REDIC1: variants seen among roughly 807,000 people sequenced by gnomAD.
REDIC1 encodes the protein HEI10 Interacting Protein 1.
chr12:39,739,792 A>G, the REDIC1 span, among the ~76,000 whole-genome samples: 2 of 152,192 alleles, frequency 1.3e-5, no homozygotes, highest in Non-Finnish European at 2.9e-5. Flanking sequence ...AAGAGGTGCC[A>G]TCTGTTTCTC....
At chr12:39,712,987 GTATATA>G in the REDIC1 span, among the ~76,000 whole-genome samples, 1 of 20,446 alleles carries the variant, frequency 4.9e-5, no homozygotes, top group South Asian at 1.4e-3. Context: ...ATATACATGT[GTATATA>G]CGTGTATATG....
the REDIC1 span, among the ~76,000 whole-genome samples, chr12:39,672,519 C>G: frequency 1.5e-4 from 23 of 152,118 alleles, no homozygotes; most frequent in Non-Finnish European, 2.6e-4. Flanking sequence ...CGGGGAGAAC[C>G]TATCTTCAGC....
chr12:39,630,462 G>C, the REDIC1 span, among the ~76,000 whole-genome samples: 2 of 152,196 alleles, frequency 1.3e-5, no homozygotes, highest in Non-Finnish European at 2.9e-5. Context: ...CCTAGACCTA[G>C]TTCATCTAAG....
the REDIC1 span, among the ~76,000 whole-genome samples, chr12:39,893,119 GA>G: frequency 6.6e-6 from 1 of 152,036 alleles, no homozygotes; most frequent in African/African-American, 2.4e-5. Flanking sequence ...AGTATTAAAT[GA>G]AAAAACCCAA....
At chr12:39,806,237 T>G in the REDIC1 span, among the ~76,000 whole-genome samples, 1 of 152,202 alleles carries the variant, frequency 6.6e-6, no homozygotes, top group Non-Finnish European at 1.5e-5. Context: ...CCTCTAATGC[T>G]GAAAGATCAG....
At chr12:39,799,668 T>C in the REDIC1 span, among the ~76,000 whole-genome samples, 1 of 152,162 alleles carries the variant, frequency 6.6e-6, no homozygotes, top group African/African-American at 2.4e-5. Flanking sequence ...TATGTACAAT[T>C]AATAGCAATT....
At chr12:39,712,062 A>C in the REDIC1 span, among the ~76,000 whole-genome samples, 3 of 20,742 alleles carry the variant, frequency 1.4e-4, no homozygotes, top group Non-Finnish European at 3.2e-4. Flanking sequence ...GTATATATAC[A>C]TGTATATATA....
the REDIC1 span, among the ~76,000 whole-genome samples, chr12:39,714,082 C>CTGTATAT: frequency 2.5e-4 from 14 of 56,280 alleles, 2 homozygotes; most frequent in African/African-American, 9.0e-4. Context: ...CGTGTATATA[C>CTGTATAT]ACATATATGT....
the REDIC1 span, among the ~76,000 whole-genome samples, chr12:39,824,122 T>A: frequency 6.6e-6 from 1 of 152,186 alleles, no homozygotes; most frequent in Non-Finnish European, 1.5e-5. Context: ...GAAATTAGAA[T>A]TTATAATCTA....
the REDIC1 span, chr12:39,764,526 T>G: frequency 6.2e-7 from 1 of 1,612,224 alleles, no homozygotes; most frequent in Non-Finnish European, 8.5e-7. Flanking sequence ...AAAATCCAGT[T>G]TATTCCAGAT....
the REDIC1 span, chr12:39,692,301 A>C: frequency 4.3e-6 from 2 of 460,628 alleles, no homozygotes; most frequent in Non-Finnish European, 7.2e-6. Flanking sequence ...TGAGTACATT[A>C]ATGTATAGGT....
the REDIC1 span, chr12:39,864,986 C>T: frequency 4.8e-4 from 520 of 1,082,548 alleles, 7 homozygotes; most frequent in South Asian, 9.2e-3. Flanking sequence ...CAAACAAAAA[C>T]TCCTGAAAAA....
the REDIC1 span, among the ~76,000 whole-genome samples, chr12:39,862,637 C>G: frequency 2.0e-5 from 3 of 152,192 alleles, no homozygotes; most frequent in Non-Finnish European, 2.9e-5. Context: ...GTGAACTTCA[C>G]TCATCTTAAG....
chr12:39,713,119 A>T, the REDIC1 span, among the ~76,000 whole-genome samples: 1 of 149,974 alleles, frequency 6.7e-6, no homozygotes, highest in East Asian at 2.0e-4. Flanking sequence ...ATATATGTAG[A>T]TATGTGCATA....
At chr12:39,714,716 A>G in the REDIC1 span, among the ~76,000 whole-genome samples, 131,559 of 151,762 alleles carry the variant, frequency 0.87, 57,275 homozygotes, top group African/African-American at 0.92. Flanking sequence ...CCACTCCCAT[A>G]CCAACATCTA....
At chr12:39,805,060 G>GAAGCCTGCTGGAGAC in the REDIC1 span, among the ~76,000 whole-genome samples, 25 of 152,364 alleles carry the variant, frequency 1.6e-4, 1 homozygote, top group Non-Finnish European at 2.4e-4. Context: ...CTGCTGGAGA[G>GAAGCCTGCTGGAGAC]AGAAGCCTGC....
chr12:39,684,991 G>A, the REDIC1 span: 14 of 1,109,954 alleles, frequency 1.3e-5, no homozygotes, highest in Non-Finnish European at 1.6e-5. Flanking sequence ...TCACATTACT[G>A]TATTTAACGT....
chr12:39,837,454 C>A, the REDIC1 span, among the ~76,000 whole-genome samples: 1 of 136,754 alleles, frequency 7.3e-6, no homozygotes, highest in Non-Finnish European at 1.6e-5. Context: ...TCCAAAACAC[C>A]AAAAGCAATG....
the REDIC1 span, among the ~76,000 whole-genome samples, chr12:39,808,366 G>A: frequency 6.6e-6 from 1 of 150,384 alleles, no homozygotes; most frequent in Non-Finnish European, 1.5e-5. Context: ...TAACATCTAC[G>A]TAATTTCCAA....
Sources: gnomAD v4.1 joint callset for allele counts (sites outside exome capture counted in the v4.1 genomes callset) on GRCh38, gnomAD v4.1.1 for gene constraint, MANE v1.5 for transcripts, NCBI Gene and HGNC (gene_info 2026-07-23, HGNC 2026-07-21) for gene names.